The following MARCHF1 variants were observed in gnomAD, a reference collection of about 807,000 sequenced individuals.
The protein encoded by MARCHF1 is E3 ubiquitin-protein ligase MARCHF1.
A neutral mutation model predicts 54.2 loss-of-function variants in MARCHF1; 40 were observed. The ratio of observed to expected loss-of-function variants is 0.74; its 90% CI spans 0.57 to 0.96. The LOEUF (loss-of-function observed/expected upper bound fraction) is 0.96. MARCHF1 is among the 40% of genes least tolerant of loss of function. MARCHF1 has a pLI of 0.00. For synonymous variants in MARCHF1, 236 were observed against 236.3 expected (o/e 1.00, Z 0.01); for missense variants, 586 against 656.5 (o/e 0.89, Z 1.17).
chr4:163,707,857 C>T (rs1382760866), intron 4 of MARCHF1, among the ~76,000 whole-genome samples: 1 of 149,150 alleles, frequency 6.7e-6, no homozygotes, highest in Admixed American at 6.7e-5. Flanking sequence ...TGTCTCAAAG[C>T]TTTAAACCCA....
At chr4:164,241,750 G>A (rs191612480) in intron 1 of MARCHF1, among the ~76,000 whole-genome samples, 1 of 152,176 alleles carries the variant, frequency 6.6e-6, no homozygotes, top group Non-Finnish European at 1.5e-5. Context: ...CAGACAGTGG[G>A]CACAGGTCAG....
chr4:163,728,403 AT>A (rs1745730711), intron 4 of MARCHF1, among the ~76,000 whole-genome samples: 1 of 152,228 alleles, frequency 6.6e-6, no homozygotes, highest in Non-Finnish European at 1.5e-5. Context: ...CAAAACTAAC[AT>A]CTTAACAATA....
chr4:164,081,425 A>G (rs2111113869), intron 2 of MARCHF1, among the ~76,000 whole-genome samples: 1 of 152,044 alleles, frequency 6.6e-6, no homozygotes, highest in African/African-American at 2.4e-5. Context: ...ATGTTTGTAA[A>G]ACAATTTTTC....
chr4:164,208,403 A>T (rs557642633), intron 1 of MARCHF1, among the ~76,000 whole-genome samples: 1 of 152,336 alleles, frequency 6.6e-6, no homozygotes, highest in Admixed American at 6.5e-5. Context: ...TTTAATGCAC[A>T]GCCGTAAGCA....
chr4:163,675,665 T>C (rs1426308764), intron 5 of MARCHF1, among the ~76,000 whole-genome samples: 1 of 151,994 alleles, frequency 6.6e-6, no homozygotes, highest in African/African-American at 2.4e-5. Flanking sequence ...ATTAGTGAAC[T>C]TAAGTAAATT....
At chr4:163,745,524 G>A (rs2110753164) in intron 4 of MARCHF1, among the ~76,000 whole-genome samples, 1 of 152,238 alleles carries the variant, frequency 6.6e-6, no homozygotes, top group East Asian at 1.9e-4. Flanking sequence ...GAGCGCCAGG[G>A]ACACACTCCA....
chr4:164,117,239 T>TA (rs1332188911), intron 1 of MARCHF1, among the ~76,000 whole-genome samples: 2 of 151,864 alleles, frequency 1.3e-5, no homozygotes, highest in Non-Finnish European at 2.9e-5. Flanking sequence ...GCCTGGGTGA[T>TA]AGAGTGATAT....
At chr4:163,807,392 TA>T (rs1748257059) in intron 4 of MARCHF1, among the ~76,000 whole-genome samples, 2 of 152,186 alleles carry the variant, frequency 1.3e-5, no homozygotes, top group Admixed American at 1.3e-4. Flanking sequence ...GGAAGCAACT[TA>T]ATACTTTTTC....
intron 4 of MARCHF1, among the ~76,000 whole-genome samples, chr4:163,769,063 G>C (rs1747075215): frequency 6.6e-6 from 1 of 152,148 alleles, no homozygotes; most frequent in South Asian, 2.1e-4. Flanking sequence ...ATTGTAGAGA[G>C]AGGTCTCTGC....
intron 1 of MARCHF1, among the ~76,000 whole-genome samples, chr4:164,332,615 AT>A (rs1729580434): frequency 8.2e-6 from 1 of 121,904 alleles, no homozygotes; most frequent in Admixed American, 7.8e-5. Context: ...GTTTTACTGC[AT>A]TTCAAATTTA....
chr4:164,342,036 A>T lies in MARCHF1; in HGVS notation c.-323+41834T>A, dbSNP rs78282242. 2.2e-3 allele frequency among the ~76,000 whole-genome samples: 332 copies of T among 152,346 alleles called. 3 individuals are homozygous for T. In the East Asian group the frequency reaches 0.04, roughly 18 times the overall value. ...GAGGTAAAAGATTTGTGTATTGAAAATGTTTGCAAACCCCGTATCCACTAA... is the reference window on the plus strand; with the variant it reads ...GAGGTAAAAGATTTGTGTATTGAAATTGTTTGCAAACCCCGTATCCACTAA... On this transcript the variant is annotated intron_variant, in intron 1 of 9. Coordinates refer to ENST00000514618, the MANE Select transcript of MARCHF1 (RefSeq NM_001394959.1).
chr4:163,658,750 T>C (rs1743239158), intron 5 of MARCHF1, among the ~76,000 whole-genome samples: 1 of 151,922 alleles, frequency 6.6e-6, no homozygotes, highest in South Asian at 2.1e-4. Context: ...TGAGAACTGA[T>C]GGACACAGGG....
At chr4:163,618,207 T>C (rs1741575441) in intron 5 of MARCHF1, among the ~76,000 whole-genome samples, 1 of 152,208 alleles carries the variant, frequency 6.6e-6, no homozygotes, top group Non-Finnish European at 1.5e-5. Flanking sequence ...GCCTGAATCC[T>C]CGGCCCTCTT....
chr4:163,990,711 CCTCT>C (rs1752954143), intron 2 of MARCHF1, among the ~76,000 whole-genome samples: 1 of 151,878 alleles, frequency 6.6e-6, no homozygotes, highest in African/African-American at 2.4e-5. Context: ...ATTTTTAATC[CCTCT>C]ATCTAGAAGG....
At chr4:164,064,908 C>G (rs1754694366) in intron 2 of MARCHF1, among the ~76,000 whole-genome samples, 1 of 152,044 alleles carries the variant, frequency 6.6e-6, no homozygotes, top group Non-Finnish European at 1.5e-5. Context: ...TTGAGGTAAT[C>G]ATGTGGTTTT....
At chr4:164,361,440 G>A (rs969344848) in intron 1 of MARCHF1, among the ~76,000 whole-genome samples, 8 of 152,096 alleles carry the variant, frequency 5.3e-5, no homozygotes, top group African/African-American at 1.9e-4. Context: ...GAAATTGGAT[G>A]TCATTCCATT....
intron 1 of MARCHF1, among the ~76,000 whole-genome samples, chr4:164,255,392 A>T (rs1473049300): frequency 3.8e-3 from 19 of 4,984 alleles, no homozygotes; most frequent in Admixed American, 0.017. Flanking sequence ...AAGAAAGATA[A>T]AAAAAAAAAA....
chr4:163,901,504 A>C (rs900435761), intron 3 of MARCHF1, among the ~76,000 whole-genome samples: 3 of 152,158 alleles, frequency 2.0e-5, no homozygotes, highest in Non-Finnish European at 2.9e-5. Flanking sequence ...TAGGGGTAGG[A>C]GCAGCCTTCT....
At chr4:163,652,561 T>A (rs1431893813) in intron 5 of MARCHF1, among the ~76,000 whole-genome samples, 1 of 151,800 alleles carries the variant, frequency 6.6e-6, no homozygotes, top group Non-Finnish European at 1.5e-5. Context: ...CCCTTGTTAT[T>A]TCCCCTATCT....
Sources: gnomAD v4.1 joint callset for allele counts (sites outside exome capture counted in the v4.1 genomes callset) on GRCh38, gnomAD v4.1.1 for gene constraint, MANE v1.5 for transcripts, NCBI Gene and HGNC (gene_info 2026-07-23, HGNC 2026-07-21) for gene names.